Variants in PLXNA4 observed in about 807,000 individuals in gnomAD.
The protein encoded by PLXNA4 is plexin A4, also known as plexin-A4.
A neutral mutation model predicts 191.8 loss-of-function variants in PLXNA4; 44 were observed. The observed-to-expected ratio is 0.23, with a 90% CI of 0.18 to 0.29. PLXNA4 has a LOEUF of 0.29. Among genes scored for constraint, PLXNA4 ranks in the 10% least tolerant of loss-of-function variants. The pLI is 1.00. For missense variants in PLXNA4, 1,800 were observed against 2,488.8 expected (o/e 0.72, Z 5.89); for synonymous variants, 1,082 against 1,009.5 (o/e 1.07, Z -1.36).
At position 132,179,793 on chromosome 7, in the gene PLXNA4, C is replaced by G. The variant is rs780710893; in HGVS notation, c.3768G>C (p.Val1256=). 1.2e-6 allele frequency: 2 copies of G among 1,613,802 alleles called. No homozygotes were observed. Among genetic ancestry groups the G allele is most frequent in the Admixed American group, 3.3e-5 (2 of 60,004 alleles). ...GGLLIIFIVA[V]LIAYKRKSRE... ...GGGACTTGCGTTTATAGGCAATGAG[C>G]ACGGCCACGATGAAAATGATGAGGA... The change falls in exon 20 of 32, where the codon GTG becomes GTC. Residue 1256 remains valine (V), a synonymous_variant. Transcript: ENST00000321063.
intron 2 of PLXNA4, among the ~76,000 whole-genome samples, chr7:132,628,781 A>C (rs1298706973): frequency 6.6e-6 from 1 of 152,160 alleles, no homozygotes; most frequent in Non-Finnish European, 1.5e-5. Flanking sequence ...CTTGTTTTAC[A>C]ACCTTCTGTT....
chr7:132,462,810 T>C (rs944601530), intron 3 of PLXNA4, among the ~76,000 whole-genome samples: 1 of 151,392 alleles, frequency 6.6e-6, no homozygotes, highest in African/African-American at 2.4e-5. Flanking sequence ...GTTTTATATT[T>C]TCCACAAATA....
intron 3 of PLXNA4, among the ~76,000 whole-genome samples, chr7:132,375,620 T>G (rs1167815321): frequency 2.0e-5 from 3 of 152,050 alleles, no homozygotes; most frequent in African/African-American, 7.2e-5. Flanking sequence ...GAGGACCCAG[T>G]AGCAGTCCAG....
At chr7:132,444,283 T>C (rs1052039431) in intron 3 of PLXNA4, among the ~76,000 whole-genome samples, 2 of 152,272 alleles carry the variant, frequency 1.3e-5, no homozygotes, top group Non-Finnish European at 2.9e-5. Flanking sequence ...AGAAGAAGTC[T>C]CTCTCTTGTC....
intron 13 of PLXNA4, 97 bp from the exon 14 acceptor site, chr7:132,194,276 GA>G: frequency 6.8e-7 from 1 of 1,470,968 alleles, no homozygotes; most frequent in Non-Finnish European, 9.1e-7. Context: ...TCCACAGTAG[GA>G]TCTCAGGGAT....
At chr7:132,132,924 G>T in intron 31 of PLXNA4, 125 bp downstream of exon 31, 1 of 1,402,272 alleles carries the variant, frequency 7.1e-7, no homozygotes. Flanking sequence ...CAGGTCCTCA[G>T]TGGTGGTTCC....
intron 3 of PLXNA4, among the ~76,000 whole-genome samples, chr7:132,334,944 A>G (rs948667497): frequency 3.9e-5 from 6 of 152,210 alleles, no homozygotes; most frequent in Non-Finnish European, 7.3e-5. Context: ...AATTACCCAG[A>G]ATGTCAGCAT....
chr7:132,421,191 C>A (rs968345330), intron 3 of PLXNA4, among the ~76,000 whole-genome samples: 1 of 152,196 alleles, frequency 6.6e-6, no homozygotes, highest in Non-Finnish European at 1.5e-5. Flanking sequence ...AATCATACAG[C>A]ATTTGTCCTT....
rs201617163 is a variant in PLXNA4, at chr7:132,164,306, G to A, written c.4354-18C>T. ...GCACACTCCTGGAGGTGAGAAGAAC[G>A]TCATTAGGAGGAGCTCTTGGAACAC... On this transcript the variant is annotated intron_variant, in intron 23 of 31. Transcript: ENST00000321063. 2,701 of 1,612,708 alleles carry A rather than the reference G, an allele frequency of 1.7e-3. 54 individuals are homozygous for A. The South Asian group carries it at 0.026, about 16-fold the overall frequency.
chr7:132,318,042 G>C (rs545463706), intron 3 of PLXNA4, among the ~76,000 whole-genome samples: 1 of 152,192 alleles, frequency 6.6e-6, no homozygotes, highest in Non-Finnish European at 1.5e-5. Flanking sequence ...CGAGTAACCC[G>C]GTCAAAGAAA....
At chr7:132,318,595 G>C (rs1802038522) in intron 3 of PLXNA4, among the ~76,000 whole-genome samples, 1 of 150,828 alleles carries the variant, frequency 6.6e-6, no homozygotes, top group Non-Finnish European at 1.5e-5. Context: ...GTGTTTACCG[G>C]AAAACAGGAA....
In PLXNA4 at chr7:132,611,073, C is replaced by T. The variant is rs145067099; in HGVS notation, c.-87+34855G>A. ...CTCTGAGACTGGCAAGTGAGCCAGT[C>T]CCCCCGGCCAGCAGCCAAGTGAATT... On this transcript the variant is annotated intron_variant, in intron 2 of 4. Transcript: ENST00000378539. Among the ~76,000 whole-genome samples the T allele has an allele frequency of 2.3e-3, 356 of 152,304 alleles. 2 individuals are homozygous for T. Among genetic ancestry groups the T allele is most frequent in the African/African-American group, 8.2e-3 (342 of 41,566 alleles).
chr7:132,385,338 A>C (rs79238551), intron 3 of PLXNA4: 2 of 1,571,488 alleles, frequency 1.3e-6, no homozygotes, highest in Admixed American at 1.9e-5. Flanking sequence ...CATGGTGCAC[A>C]AGATATGCCC....
rs1164861456 is a variant in PLXNA4 at position 132,151,425 on chromosome 7, AG to A, written c.4661-2780del. On this transcript the variant is annotated intron_variant, in intron 25 of 31. Transcript: ENST00000321063. ...AGGAGGAGGAAGGAGGAGGAGGAGG[AG>A]GAGGAAGGAGGAGGAGGAGGAAGAA... 4.1e-4 allele frequency among the ~76,000 whole-genome samples: 37 copies of A among 91,096 alleles called. 2 individuals are homozygous for A. Among genetic ancestry groups the A allele is most frequent in the African/African-American group, 6.8e-4 (15 of 22,176 alleles). The allele number at this position is 91,096 out of a possible 152,430, so 59.8% of individuals were successfully genotyped here.
chr7:132,530,879 C>A (rs900736826), intron 1 of PLXNA4, among the ~76,000 whole-genome samples: 16 of 152,178 alleles, frequency 1.1e-4, no homozygotes, highest in African/African-American at 3.9e-4. Context: ...TATATCCTTA[C>A]AATGGAATAT....
chr7:132,528,704 C>T (rs1465849614), intron 1 of PLXNA4, among the ~76,000 whole-genome samples: 1 of 152,242 alleles, frequency 6.6e-6, no homozygotes, highest in Non-Finnish European at 1.5e-5. Context: ...TGGCAGACTT[C>T]TTGTGCCCAT....
chr7:132,563,764 TTCCTCTTCCTCC>T (rs1224374112), intron 1 of PLXNA4, among the ~76,000 whole-genome samples: 4 of 52,846 alleles, frequency 7.6e-5, no homozygotes, highest in African/African-American at 3.2e-4. Flanking sequence ...TCTCCTCCTT[TTCCTCTTCCTCC>T]TCCTCTTCCT....
intron 1 of PLXNA4, among the ~76,000 whole-genome samples, chr7:132,560,163 A>G (rs531358955): frequency 2.3e-4 from 35 of 152,306 alleles, no homozygotes; most frequent in African/African-American, 7.9e-4. Flanking sequence ...CTCTTAGCTC[A>G]TGGTGGAGTT....
chr7:132,437,816 T>C (rs2288978), intron 3 of PLXNA4, among the ~76,000 whole-genome samples: 110,825 of 151,814 alleles, frequency 0.73, 44,761 homozygotes, highest in Non-Finnish European at 0.91. Flanking sequence ...AGCAGGAGGG[T>C]CATGTGATTG....
Sources: gnomAD v4.1 joint callset for allele counts (sites outside exome capture counted in the v4.1 genomes callset) on GRCh38, gnomAD v4.1.1 for gene constraint, MANE v1.5 for transcripts, NCBI Gene and HGNC (gene_info 2026-07-23, HGNC 2026-07-21) for gene names.